Variants in ERC2 observed in about 807,000 individuals in gnomAD.
ERC2 encodes the protein ERC protein 2.
Under a neutral mutation model 114.8 loss-of-function variants are expected in ERC2, and 42 were observed. That is an observed-to-expected ratio of 0.37 (90% CI 0.29 to 0.47). The LOEUF (loss-of-function observed/expected upper bound fraction) is 0.47. Among genes scored for constraint, ERC2 ranks in the 20% least tolerant of loss-of-function variants. The probability of loss-of-function intolerance (pLI) is 0.99; values close to 1 mark genes in which losing one functional copy is unlikely to be tolerated. For missense variants in ERC2, 939 were observed against 1,150.7 expected (o/e 0.82, Z 2.66); for synonymous variants, 454 against 425.5 (o/e 1.07, Z -0.82).
At chr3:56,134,942 G>A (rs1272264250) in intron 6 of ERC2, among the ~76,000 whole-genome samples, 1 of 148,344 alleles carries the variant, frequency 6.7e-6, no homozygotes, top group Non-Finnish European at 1.5e-5. Context: ...TTTTGTTTTT[G>A]TTTTTGTTTT....
chr3:56,226,189 A>G (rs765664926), intron 3 of ERC2, among the ~76,000 whole-genome samples: 1 of 152,172 alleles, frequency 6.6e-6, no homozygotes, highest in Admixed American at 6.5e-5. Flanking sequence ...AATTGTTCCT[A>G]TGAGCAATCG....
At chr3:56,398,563 T>C (rs1317251998) in intron 2 of ERC2, among the ~76,000 whole-genome samples, 1 of 152,138 alleles carries the variant, frequency 6.6e-6, no homozygotes, top group African/African-American at 2.4e-5. Context: ...TATATACATA[T>C]ATATGTCATA....
At chr3:56,230,702 T>G (rs2050563196) in intron 3 of ERC2, among the ~76,000 whole-genome samples, 1 of 152,236 alleles carries the variant, frequency 6.6e-6, no homozygotes, top group Admixed American at 6.5e-5. Flanking sequence ...AACATTGCCT[T>G]CTTAATAGCT....
chr3:55,878,245 C>T (rs1242503019), intron 14 of ERC2, among the ~76,000 whole-genome samples: 1 of 152,148 alleles, frequency 6.6e-6, no homozygotes, highest in Non-Finnish European at 1.5e-5. Flanking sequence ...TAAAAACCAC[C>T]AGGCTGAAGT....
At chr3:55,583,528 CCTTCCTTCCTTCCTTTCTTCCTT>C (rs2057416440) in intron 17 of ERC2, among the ~76,000 whole-genome samples, 3 of 56,244 alleles carry the variant, frequency 5.3e-5, no homozygotes, top group Admixed American at 2.0e-4. Context: ...TCCCTCCCTT[CCTTCCTTCCTTCCTTTCTTCCTT>C]CCTTCCTTCC....
At chr3:55,754,605 T>TA (rs36051892) in intron 14 of ERC2, among the ~76,000 whole-genome samples, 4,977 of 94,128 alleles carry the variant, frequency 0.053, 404 homozygotes, top group Admixed American at 0.24. Context: ...CATTCTTACA[T>TA]AAAAAAAAAA....
chr3:55,513,595 C>A (rs1322492957), intron 17 of ERC2, among the ~76,000 whole-genome samples: 1 of 151,864 alleles, frequency 6.6e-6, no homozygotes, highest in Non-Finnish European at 1.5e-5. Flanking sequence ...TAGACTTGTA[C>A]ATCCAATAGA....
intron 17 of ERC2, among the ~76,000 whole-genome samples, chr3:55,533,172 G>A (rs2053775177): frequency 6.6e-6 from 1 of 152,222 alleles, no homozygotes. Flanking sequence ...GTCCGTCAGG[G>A]GACAGAGTGA....
At chr3:56,276,526 T>C (rs2054010164) in intron 3 of ERC2, among the ~76,000 whole-genome samples, 1 of 149,366 alleles carries the variant, frequency 6.7e-6, no homozygotes. Flanking sequence ...ACCAAAAAAT[T>C]AGTTCAAGTT....
intron 2 of ERC2, among the ~76,000 whole-genome samples, chr3:56,407,228 T>A (rs2060764444): frequency 1.3e-5 from 2 of 152,208 alleles, no homozygotes; most frequent in African/African-American, 4.8e-5. Context: ...TTCCAAGTTT[T>A]ATTTAAAGCT....
intron 17 of ERC2, among the ~76,000 whole-genome samples, chr3:55,565,906 T>C (rs2056339536): frequency 6.6e-6 from 1 of 152,224 alleles, no homozygotes; most frequent in Non-Finnish European, 1.5e-5. Flanking sequence ...TCAAAAGTCT[T>C]TTGCTGCTAA....
chr3:56,072,818 T>C (rs2076802620), intron 7 of ERC2, among the ~76,000 whole-genome samples: 1 of 152,174 alleles, frequency 6.6e-6, no homozygotes, highest in Admixed American at 6.5e-5. Context: ...ATCTGCTGGG[T>C]GGGCTATCTC....
intron 15 of ERC2, among the ~76,000 whole-genome samples, chr3:55,717,442 T>C (rs2064189287): frequency 6.6e-6 from 1 of 152,160 alleles, no homozygotes; most frequent in African/African-American, 2.4e-5. Flanking sequence ...TTCTTTAACC[T>C]TCTCCTTCAA....
chr3:55,785,444 G>A (rs2069406955), intron 14 of ERC2, among the ~76,000 whole-genome samples: 1 of 152,158 alleles, frequency 6.6e-6, no homozygotes, highest in Non-Finnish European at 1.5e-5. Context: ...TTTTGAGCCT[G>A]TTTCTTCTTT....
intron 14 of ERC2, among the ~76,000 whole-genome samples, chr3:55,808,743 A>ATAAAAT (rs2059598300): frequency 1.0e-5 from 1 of 97,888 alleles, no homozygotes; most frequent in Non-Finnish European, 2.0e-5. Context: ...ATATATATAT[A>ATAAAAT]ACGTATAACT....
At chr3:55,654,500 G>C (rs897532123) in intron 17 of ERC2, among the ~76,000 whole-genome samples, 5 of 152,230 alleles carry the variant, frequency 3.3e-5, no homozygotes, top group Non-Finnish European at 7.3e-5. Context: ...ATTGTACTTG[G>C]CAGCTAAGGA....
At chr3:55,703,830 C>A (rs564251807) in intron 15 of ERC2, among the ~76,000 whole-genome samples, 1 of 152,206 alleles carries the variant, frequency 6.6e-6, no homozygotes, top group East Asian at 1.9e-4. Flanking sequence ...TGTTGTAATT[C>A]TTGGGAGTGG....
chr3:56,128,785 G>A (rs2080035770), intron 6 of ERC2, among the ~76,000 whole-genome samples: 1 of 152,138 alleles, frequency 6.6e-6, no homozygotes, highest in African/African-American at 2.4e-5. Flanking sequence ...TTCTGGCCCT[G>A]GCATTGCTGG....
intron 1 of ERC2, among the ~76,000 whole-genome samples, chr3:56,449,024 G>A (rs997264028): frequency 2.7e-5 from 4 of 146,058 alleles, no homozygotes; most frequent in East Asian, 2.0e-4. Flanking sequence ...GCAGTCAGCC[G>A]AGATTGTGCC....
Sources: gnomAD v4.1 joint callset for allele counts (sites outside exome capture counted in the v4.1 genomes callset) on GRCh38, gnomAD v4.1.1 for gene constraint, MANE v1.5 for transcripts, NCBI Gene and HGNC (gene_info 2026-07-23, HGNC 2026-07-21) for gene names.